Variants in GALNT3 observed in about 807,000 individuals in gnomAD.
The protein encoded by GALNT3 is polypeptide N-acetylgalactosaminyltransferase 3, also known as GalNAc transferase 3.
Under a neutral mutation model 69.8 loss-of-function variants are expected in GALNT3, and 51 were observed. That is an observed-to-expected ratio of 0.73 (90% confidence interval 0.58 to 0.92). The LOEUF is 0.92. Ranked by LOEUF, GALNT3 falls within the 40% of genes least tolerant of loss-of-function variation. The probability of loss-of-function intolerance (pLI) is 0.00; values close to 1 mark genes in which losing one functional copy is unlikely to be tolerated. For missense variants in GALNT3, 711 were observed against 760.0 expected (o/e 0.94, Z 0.76); for synonymous variants, 265 against 248.5 (o/e 1.07, Z -0.63).
At chr2:165,751,527 C>T (rs879075864) in intron 9 of GALNT3, among the ~76,000 whole-genome samples, 1 of 151,824 alleles carries the variant, frequency 6.6e-6, no homozygotes, top group African/African-American at 2.4e-5. Flanking sequence ...AGTATTTTAC[C>T]CATTATTAAA....
intron 1 of GALNT3, among the ~76,000 whole-genome samples, chr2:165,791,151 C>T (rs543476442): frequency 1.3e-5 from 2 of 152,208 alleles, no homozygotes; most frequent in South Asian, 4.2e-4. Context: ...TTTAATCTAG[C>T]ACCAAGGTCC....
In GALNT3 at chr2:165,770,432, A is replaced by C; in HGVS notation, c.269T>G (p.Ile90Ser). 6.2e-7 allele frequency: 1 copy of C among 1,614,190 alleles called. No homozygotes were observed. The highest frequency in any genetic ancestry group is 8.5e-7 in the Non-Finnish European group (1 of 1,180,034). The change falls in exon 2 of 11, where the codon ATT (isoleucine) becomes AGT (serine). Residue 90 changes from isoleucine to serine, a missense_variant. By Grantham distance (142) the Ile-to-Ser change is moderately radical (BLOSUM62 -2). Coordinates refer to ENST00000392701, the MANE Select transcript of GALNT3 (RefSeq NM_004482.4). Reference sequence around the variant, plus strand: ...CAAACAAGGTCTCTCACCAGCATCAATGTTTTGCCTGACAGGTGCTCCTAT... The same window carrying C: ...CAAACAAGGTCTCTCACCAGCATCACTGTTTTGCCTGACAGGTGCTCCTAT... ...MQIGAPVRQN[I>S]DAGERPCLQG...
intron 1 of GALNT3, among the ~76,000 whole-genome samples, chr2:165,784,624 C>A (rs1683181509): frequency 6.6e-6 from 1 of 151,900 alleles, no homozygotes; most frequent in Admixed American, 6.6e-5. Context: ...TTGCTTGAGC[C>A]CAGGAGTTCA....
chr2:165,762,841 G>A (rs1213680425), intron 3 of GALNT3, among the ~76,000 whole-genome samples: 2 of 152,140 alleles, frequency 1.3e-5, no homozygotes, highest in African/African-American at 2.4e-5. Context: ...TGTCGCCCAG[G>A]GTGGAGTGCA....
intron 2 of GALNT3, among the ~76,000 whole-genome samples, chr2:165,766,942 G>A (rs1244951970): frequency 2.0e-5 from 3 of 152,150 alleles, no homozygotes; most frequent in Non-Finnish European, 2.9e-5. Flanking sequence ...AAAAGGAGAG[G>A]ATGGATTCTG....
chr2:165,748,810 G>C lies in GALNT3; in HGVS notation c.1873C>G (p.Gln625Glu), dbSNP rs1323436546. ...TCATTTTGGCTAAGTATCCATTTTTGGAGTGGATCTGATGGGTTGCATGAC... is the reference window on the plus strand; with the variant it reads ...TCATTTTGGCTAAGTATCCATTTTTCGAGTGGATCTGATGGGTTGCATGAC... ...LVSCNPSDPL[Q>E]KWILSQND Residue 625 changes from glutamine (Q) to glutamate (E), a missense_variant, in exon 11 of 11, where the codon CAA becomes GAA. Transcript: ENST00000392701. The C allele has an allele frequency of 1.9e-6, 3 of 1,611,306 alleles. No homozygotes were observed. The highest frequency in any genetic ancestry group is 2.5e-6 in the Non-Finnish European group (3 of 1,178,454).
chr2:165,771,045 ATT>A (rs1688744254), intron 1 of GALNT3, among the ~76,000 whole-genome samples: 2 of 152,174 alleles, frequency 1.3e-5, no homozygotes, highest in African/African-American at 4.8e-5. Flanking sequence ...TAAAAAATAC[ATT>A]CTTTTTAAAC....
At chr2:165,769,436 AT>A (rs1327840510) in intron 2 of GALNT3, among the ~76,000 whole-genome samples, 7 of 141,210 alleles carry the variant, frequency 5.0e-5, no homozygotes, top group African/African-American at 1.1e-4. Flanking sequence ...AATAATAATA[AT>A]AATAAATAAA....
chr2:165,758,603 C>T (rs1573998930), intron 6 of GALNT3, 144 bp downstream of exon 6: 1 of 608,018 alleles, frequency 1.6e-6, no homozygotes, highest in Admixed American at 3.0e-5. Context: ...AGAAAATATT[C>T]TTATTCCAAA....
chr2:165,774,909 C>CTTTTTTT lies in GALNT3; in HGVS notation c.-108-4108_-108-4102dup, dbSNP rs71031204. 1.1e-3 allele frequency among the ~76,000 whole-genome samples: 114 copies of CTTTTTTT among 104,366 alleles called. 1 individual carries two copies. Among genetic ancestry groups the CTTTTTTT allele is most frequent in the African/African-American group, 2.0e-3 (52 of 26,618 alleles). 68.5% of individuals were successfully genotyped at this position (104,366 alleles called of 152,430 possible). On this transcript the variant is annotated intron_variant, in intron 1 of 10. Transcript: ENST00000392701. ...TTGTGAAGTATTCTTCTTCTTCTCT[C>CTTTTTTT]TTTTTTTTTTTTTTTTTTTTTTGTA...
intron 5 of GALNT3, 43 bp downstream of exon 5, chr2:165,759,293 G>C: frequency 6.9e-7 from 1 of 1,455,618 alleles, no homozygotes; most frequent in Non-Finnish European, 9.6e-7. Flanking sequence ...TTCAATGTAT[G>C]GTATAGGGTG....
At chr2:165,765,599 C>T (rs2113841) in intron 2 of GALNT3, among the ~76,000 whole-genome samples, 57,163 of 151,616 alleles carry the variant, frequency 0.38, 11,939 homozygotes, top group Non-Finnish European at 0.48. Context: ...ACGCATTTCT[C>T]CTGCCTCAGC....
In GALNT3 at chr2:165,770,018, T is replaced by A. The variant is rs552733267; in HGVS notation, c.515+168A>T. 125 of 769,438 alleles carry A rather than the reference T, an allele frequency of 1.6e-4. 1 individual carries two copies. Among genetic ancestry groups the A allele is most frequent in the Middle Eastern group, 1.0e-3 (4 of 3,834 alleles). The allele number at this position is 769,438 out of a possible 1,614,324, so 47.7% of individuals were successfully genotyped here. ...CTCACCAAGCATAAATAGGGATATGTAGCCTCAATCATTATAAGCAAAAAA... is the reference window on the plus strand; with the variant it reads ...CTCACCAAGCATAAATAGGGATATGAAGCCTCAATCATTATAAGCAAAAAA... On this transcript the variant is annotated intron_variant, in intron 2 of 10. Transcript: ENST00000392701.
intron 3 of GALNT3, among the ~76,000 whole-genome samples, chr2:165,764,381 T>C (rs888856033): frequency 6.6e-6 from 1 of 152,216 alleles, no homozygotes; most frequent in African/African-American, 2.4e-5. Flanking sequence ...AGCTACACAA[T>C]TGGATTCTTC....
At chr2:165,788,220 G>A (rs1370722657) in intron 1 of GALNT3, among the ~76,000 whole-genome samples, 1 of 151,218 alleles carries the variant, frequency 6.6e-6, no homozygotes, top group Non-Finnish European at 1.5e-5. Context: ...GGGAGGCTGA[G>A]GCAGGAGAAT....
At chr2:165,763,385 C>G (rs1392089703) in intron 3 of GALNT3, among the ~76,000 whole-genome samples, 2 of 152,092 alleles carry the variant, frequency 1.3e-5, no homozygotes, top group Middle Eastern at 3.2e-3. Flanking sequence ...AAAGCTTAAA[C>G]ATTCATAAGA....
intron 4 of GALNT3, among the ~76,000 whole-genome samples, chr2:165,761,174 A>C (rs943259537): frequency 1.3e-5 from 2 of 152,032 alleles, no homozygotes; most frequent in Non-Finnish European, 2.9e-5. Context: ...ACTAGGACGA[A>C]GTTTAATGAT....
chr2:165,788,285 C>A (rs1263837253), intron 1 of GALNT3, among the ~76,000 whole-genome samples: 2 of 147,576 alleles, frequency 1.4e-5, no homozygotes, highest in African/African-American at 5.1e-5. Flanking sequence ...CCACTGCACT[C>A]CAGCCTGGGC....
Position 165,764,780 on chromosome 2 carries a change from T to G in GALNT3, c.688+104A>C, listed in dbSNP as rs79625133. ...CATACCCACTATCCAAACTATTATA[T>G]TCAAGCTCTGAGATGGCATACAGAG... On this transcript the variant is annotated intron_variant, in intron 3 of 10. Coordinates refer to ENST00000392701, the MANE Select transcript of GALNT3 (RefSeq NM_004482.4). The G allele has an allele frequency of 1.3e-3, 1,539 of 1,146,276 alleles. 16 individuals carry two copies. In the African/African-American group the frequency reaches 0.02, roughly 15 times the overall value. 71.0% of individuals were successfully genotyped at this position (1,146,276 alleles called of 1,614,324 possible). A position where few individuals can be genotyped will look rare whatever the true frequency, so the allele number is the denominator to read the frequency against.
Sources: gnomAD v4.1 joint callset for allele counts (sites outside exome capture counted in the v4.1 genomes callset) on GRCh38, gnomAD v4.1.1 for gene constraint, MANE v1.5 for transcripts, NCBI Gene and HGNC (gene_info 2026-07-23, HGNC 2026-07-21) for gene names.